Variants in GRB2 observed in about 807,000 individuals in gnomAD.
GRB2 encodes growth factor receptor-bound protein 2.
A neutral mutation model predicts 27.4 loss-of-function variants in GRB2; 2 were observed. That is an observed-to-expected ratio of 0.07 (90% CI 0.03 to 0.23). GRB2 has a LOEUF of 0.23. GRB2 is among the 10% of genes least tolerant of loss of function. The pLI is 1.00. For synonymous variants in GRB2, 94 were observed against 99.6 expected, an observed-to-expected ratio of 0.94 and a Z score of 0.33; for missense variants, 102 against 282.4, an observed-to-expected ratio of 0.36 and a Z score of 4.58.
chr17:75,393,378 T>TA, intron 2 of GRB2, 173 bp downstream of exon 2: 1 of 634,892 alleles, frequency 1.6e-6, no homozygotes, highest in Non-Finnish European at 2.8e-6. Context: ...CCAACTCACT[T>TA]AAGTCATATT....
At chr17:75,377,585 G>T (rs2078902020) in intron 2 of GRB2, among the ~76,000 whole-genome samples, 1 of 130,792 alleles carries the variant, frequency 7.6e-6, no homozygotes, top group South Asian at 2.6e-4. Context: ...AACAGAGCGA[G>T]ACCCTGTCTC....
At chr17:75,352,370 A>C (rs1442341734) in intron 2 of GRB2, among the ~76,000 whole-genome samples, 1 of 152,228 alleles carries the variant, frequency 6.6e-6, no homozygotes, top group Non-Finnish European at 1.5e-5. Flanking sequence ...CAGAGAAGAG[A>C]GGGACTAAGA....
chr17:75,377,771 G>C (rs1319498947), intron 2 of GRB2, among the ~76,000 whole-genome samples: 3 of 152,010 alleles, frequency 2.0e-5, no homozygotes, highest in Non-Finnish European at 1.5e-5. Context: ...GCCGGGTATG[G>C]TGGCACACGC....
chr17:75,387,831 A>G (rs2078974493), intron 2 of GRB2: 1 of 151,936 alleles, frequency 6.6e-6, no homozygotes, highest in Admixed American at 6.6e-5. Flanking sequence ...CAAACCCAAC[A>G]ACTTAGAAGC....
At chr17:75,370,986 T>G (rs2078851548) in intron 2 of GRB2, 1 of 152,142 alleles carries the variant, frequency 6.6e-6, no homozygotes, top group Non-Finnish European at 1.5e-5. Context: ...TAGTGGAAAC[T>G]TGGAATGTTT....
Position 75,319,316 on chromosome 17 carries a change from TAA to T in GRB2, c.*1050_*1051del, listed in dbSNP as rs10611022. Reference sequence around the variant, plus strand: ...TAACTTATTTTAAAACAAAACAAATTAAAAAAAAAAAAAAAACACCACTCAGA... The same window carrying T: ...TAACTTATTTTAAAACAAAACAAATTAAAAAAAAAAAAAACACCACTCAGA... On this transcript the variant is annotated 3_prime_UTR_variant, in exon 6 of 6. Transcript: ENST00000316804. The T allele has an allele frequency of 0.6, 83,063 of 138,950 alleles. 27,862 individuals are homozygous for T. The highest frequency in any genetic ancestry group is 0.84 in the East Asian group (4,079 of 4,864). 8.6% of individuals were successfully genotyped at this position (138,950 alleles called of 1,614,324 possible). A position where few individuals can be genotyped will look rare whatever the true frequency, so the allele number is the denominator to read the frequency against.
chr17:75,380,725 T>C (rs564748100), intron 2 of GRB2, among the ~76,000 whole-genome samples: 2 of 152,264 alleles, frequency 1.3e-5, no homozygotes, highest in South Asian at 4.1e-4. Flanking sequence ...TAATTTAACC[T>C]GACAAAGCTA....
At chr17:75,328,925 G>A (rs1320749046) in intron 3 of GRB2, among the ~76,000 whole-genome samples, 4 of 146,346 alleles carry the variant, frequency 2.7e-5, no homozygotes, top group Admixed American at 7.1e-5. Context: ...GCGACAAAGC[G>A]AGACTCGCTT....
intron 2 of GRB2, among the ~76,000 whole-genome samples, chr17:75,377,736 G>C (rs1000028237): frequency 1.3e-5 from 2 of 151,058 alleles, no homozygotes; most frequent in Non-Finnish European, 2.9e-5. Flanking sequence ...GCAAAACCCT[G>C]TCTCTACTAA....
At chr17:75,363,859 C>CAAAAAAAAAAAAAAAAAAAA (rs55746272) in intron 2 of GRB2, among the ~76,000 whole-genome samples, 1 of 58,536 alleles carries the variant, frequency 1.7e-5, no homozygotes, top group African/African-American at 6.9e-5. Flanking sequence ...GACTCCGTCT[C>CAAAAAAAAAAAAAAAAAAAA]AAAAAAAAAA....
In GRB2 at chr17:75,320,647, G is replaced by A. The variant is rs2078452418; in HGVS notation, c.469-94C>T. The A allele has an allele frequency of 1.8e-5, 15 of 853,812 alleles. No individual in the cohort carries two copies. In the South Asian group the frequency reaches 1.8e-4, roughly 11 times the overall value. The allele number at this position is 853,812 out of a possible 1,614,324, so 52.9% of individuals were successfully genotyped here. ...ATGGGTTCCAGGGGGAAACGAATGC[G>A]TGCCAAATTCTCCATGTTTCTTAAA... is the stretch of plus-strand genomic sequence containing the variant. On this transcript the variant is annotated intron_variant, in intron 5 of 5. Coordinates refer to ENST00000316804, the MANE Select transcript of GRB2 (RefSeq NM_002086.5). This position sits in a 1 kb window ranked among gnomAD's most constrained non-coding sequence, Gnocchi z 4.3.
chr17:75,351,231 T>C (rs934299710), intron 2 of GRB2, among the ~76,000 whole-genome samples: 1 of 152,040 alleles, frequency 6.6e-6, no homozygotes, highest in African/African-American at 2.4e-5. Context: ...GAATCTAAGT[T>C]TATCCCTCCC....
At chr17:75,356,059 C>T (rs192155929) in intron 2 of GRB2, among the ~76,000 whole-genome samples, 31 of 152,002 alleles carry the variant, frequency 2.0e-4, no homozygotes, top group African/African-American at 6.8e-4. Context: ...GTGTCGAACT[C>T]CTGAGCTCAG....
intron 2 of GRB2, among the ~76,000 whole-genome samples, chr17:75,376,021 TCTCAG>T (rs2078890802): frequency 1.3e-5 from 1 of 78,580 alleles, no homozygotes. Flanking sequence ...CAAGACTCCG[TCTCAG>T]AAAAAAAAAA....
intron 2 of GRB2, among the ~76,000 whole-genome samples, chr17:75,360,551 C>T (rs999687628): frequency 2.6e-5 from 4 of 152,178 alleles, no homozygotes; most frequent in African/African-American, 9.7e-5. Flanking sequence ...TCAAACTCAA[C>T]ACTAGTTCAC....
chr17:75,318,148 AT>A lies in GRB2; in HGVS notation c.*2219del, dbSNP rs2078428454. 1 of 152,676 alleles carries A rather than the reference AT, an allele frequency of 6.5e-6. No homozygotes were observed. The highest frequency in any genetic ancestry group is 1.5e-5 in the Non-Finnish European group (1 of 68,056). The allele number at this position is 152,676 out of a possible 1,614,324, so 9.5% of individuals were successfully genotyped here. A position where few individuals can be genotyped will look rare whatever the true frequency, so the allele number is the denominator to read the frequency against. ...CAAATGCTATCCGCAGAGTTAAAGG[AT>A]TAAGTACATAGGTCTTTATTTAAAC... On this transcript the variant is annotated 3_prime_UTR_variant, in exon 6 of 6. Transcript: ENST00000316804.
intron 2 of GRB2, among the ~76,000 whole-genome samples, chr17:75,339,553 C>A (rs1286730657): frequency 6.6e-6 from 1 of 151,820 alleles, no homozygotes; most frequent in Non-Finnish European, 1.5e-5. Context: ...CATTTCCTGA[C>A]CTGGGTGTGT....
intron 1 of GRB2, among the ~76,000 whole-genome samples, chr17:75,395,937 G>A (rs900546973): frequency 4.0e-5 from 6 of 151,666 alleles, no homozygotes; most frequent in Non-Finnish European, 5.9e-5. Context: ...CCACCTCCCA[G>A]GTTCAAGCGA....
intron 2 of GRB2, among the ~76,000 whole-genome samples, chr17:75,338,592 G>C (rs1312013966): frequency 6.6e-6 from 1 of 152,158 alleles, no homozygotes; most frequent in Non-Finnish European, 1.5e-5. Flanking sequence ...GTAGCCACAC[G>C]ACACTTTGGT....
Sources: gnomAD v4.1 joint callset for allele counts (sites outside exome capture counted in the v4.1 genomes callset) on GRCh38, gnomAD v4.1.1 for gene constraint, Gnocchi (gnomAD v3.1) non-coding constraint, MANE v1.5 for transcripts, NCBI Gene and HGNC (gene_info 2026-07-23, HGNC 2026-07-21) for gene names.